The following ZNHIT6 variants were observed in gnomAD, a reference collection of about 807,000 sequenced individuals.
ZNHIT6 encodes the protein box C/D snoRNA protein 1.
ZNHIT6 carries 45 observed loss-of-function variants against 57.2 expected under a neutral mutation model. That is an observed-to-expected ratio of 0.79 (90% confidence interval 0.62 to 1.01). The LOEUF (loss-of-function observed/expected upper bound fraction) is 1.01, where lower values mean the gene tolerates loss of function less well. ZNHIT6 is among the 50% of genes least tolerant of loss of function. The pLI, the probability that ZNHIT6 is intolerant of heterozygous loss-of-function variation, is 0.00. For missense variants in ZNHIT6, 528 were observed against 567.3 expected, an observed-to-expected ratio of 0.93 and a Z score of 0.70; for synonymous variants, 188 against 190.0, an observed-to-expected ratio of 0.99 and a Z score of 0.09.
chr1:85,701,052 C>T (rs1310109150), intron 5 of ZNHIT6, among the ~76,000 whole-genome samples: 1 of 152,196 alleles, frequency 6.6e-6, no homozygotes, highest in African/African-American at 2.4e-5. Flanking sequence ...AGGGATCCAC[C>T]TGCTTCAGCA....
At chr1:85,686,668 T>C (rs61168883) in intron 5 of ZNHIT6, among the ~76,000 whole-genome samples, 5,902 of 152,236 alleles carry the variant, frequency 0.039, 408 homozygotes, top group African/African-American at 0.14. Flanking sequence ...AACACGGACT[T>C]CTTTTTAGGG....
At chr1:85,696,182 T>G (rs990561960) in intron 5 of ZNHIT6, among the ~76,000 whole-genome samples, 80 of 152,188 alleles carry the variant, frequency 5.3e-4, no homozygotes, top group Admixed American at 1.4e-3. Flanking sequence ...TGCATTTTTT[T>G]TTTTTTTTTA....
intron 8 of ZNHIT6, among the ~76,000 whole-genome samples, chr1:85,663,730 G>A (rs1661286149): frequency 6.6e-6 from 1 of 152,094 alleles, no homozygotes; most frequent in African/African-American, 2.4e-5. Context: ...TTGTAAGGCA[G>A]GTCTGGTGGT....
Position 85,654,035 on chromosome 1 carries a change from C to G in ZNHIT6, c.*23G>C. On this transcript the variant is annotated 3_prime_UTR_variant, in exon 10 of 10. Transcript: ENST00000370574. ...TGCTGCAGTTGTCTGGAAGTTTTCA[C>G]TTTCTTCTTCCAGAAAAAATGCTCA... 1 of 1,609,318 alleles carries G rather than the reference C, an allele frequency of 6.2e-7. No individual in the cohort carries two copies. Among genetic ancestry groups the G allele is most frequent in the Non-Finnish European group, 8.5e-7 (1 of 1,177,136 alleles).
chr1:85,694,199 A>T (rs902982000), intron 5 of ZNHIT6, among the ~76,000 whole-genome samples: 2 of 152,236 alleles, frequency 1.3e-5, no homozygotes, highest in African/African-American at 4.8e-5. Context: ...TACATACTTA[A>T]GATTTGTGCA....
At chr1:85,675,909 TC>T (rs1223895608) in intron 8 of ZNHIT6, among the ~76,000 whole-genome samples, 1 of 152,170 alleles carries the variant, frequency 6.6e-6, no homozygotes, top group African/African-American at 2.4e-5. Context: ...CTTCTGCAGC[TC>T]CCTCACCTCT....
intron 9 of ZNHIT6, among the ~76,000 whole-genome samples, chr1:85,655,080 G>A (rs1405501101): frequency 1.3e-5 from 2 of 152,146 alleles, no homozygotes; most frequent in Non-Finnish European, 2.9e-5. Context: ...CTAAGAGTAA[G>A]GCACTGAAAT....
chr1:85,657,711 TTAAC>T, intron 9 of ZNHIT6, 132 bp downstream of exon 9: 1 of 779,508 alleles, frequency 1.3e-6, no homozygotes, highest in East Asian at 2.9e-5. Flanking sequence ...GTTCTTCACA[TTAAC>T]TAGCTATACA....
Position 85,708,329 on chromosome 1 carries a change from T to C in ZNHIT6, c.-45A>G, listed in dbSNP as rs775213547. 1.3e-6 allele frequency: 2 copies of C among 1,547,726 alleles called. No homozygotes were observed. The highest frequency in any genetic ancestry group is 1.7e-4 in the Middle Eastern group (1 of 5,796). ...TCTGCTGCCACTCTATCCTTCAATG[T>C]GGCTGCTGCACACCAATAGGAGGAA... On this transcript the variant is annotated 5_prime_UTR_variant, in exon 1 of 10. Transcript: ENST00000370574.
In ZNHIT6 at chr1:85,708,330, G is replaced by C. The variant is rs370553455; in HGVS notation, c.-46C>G. On this transcript the variant is annotated 5_prime_UTR_variant, in exon 1 of 10. Coordinates refer to ENST00000370574, the MANE Select transcript of ZNHIT6 (RefSeq NM_017953.4). Reference sequence around the variant, plus strand: ...CTGCTGCCACTCTATCCTTCAATGTGGCTGCTGCACACCAATAGGAGGAAT... The same window carrying C: ...CTGCTGCCACTCTATCCTTCAATGTCGCTGCTGCACACCAATAGGAGGAAT... The C allele has an allele frequency of 9.6e-4, 1,492 of 1,546,810 alleles. 8 individuals carry two copies. The highest frequency in any genetic ancestry group is 6.6e-4 in the Non-Finnish European group (752 of 1,147,170).
At position 85,678,727 on chromosome 1, in the gene ZNHIT6, T is replaced by C. The variant is rs1398404152; in HGVS notation, c.1143A>G (p.Glu381=). The change falls in exon 7 of 10, where the codon GAA becomes GAG. Residue 381 remains glutamate, a synonymous_variant. Transcript: ENST00000370574. ...NEILKPYIDP[E]KSDPVIRQRL... is the part of the protein sequence containing the mutation. Reference sequence around the variant, plus strand: ...TTTGACGAATTACAGGATCAGACTTTTCAGGATCAATGTAAGGTTTTAGGA... The same window carrying C: ...TTTGACGAATTACAGGATCAGACTTCTCAGGATCAATGTAAGGTTTTAGGA... 6.3e-7 allele frequency: 1 copy of C among 1,592,778 alleles called. No homozygotes were observed. The highest frequency in any genetic ancestry group is 1.1e-5 in the South Asian group (1 of 87,140).
intron 5 of ZNHIT6, among the ~76,000 whole-genome samples, chr1:85,687,768 T>G (rs1054277906): frequency 6.6e-6 from 1 of 152,216 alleles, no homozygotes; most frequent in African/African-American, 2.4e-5. Flanking sequence ...CTCCATGAGG[T>G]AAGCTAAAGC....
intron 8 of ZNHIT6, among the ~76,000 whole-genome samples, chr1:85,676,237 G>A (rs768811680): frequency 2.0e-5 from 3 of 151,312 alleles, no homozygotes; most frequent in Non-Finnish European, 2.9e-5. Context: ...TCAAGAGACT[G>A]AGGCAGAAGA....
chr1:85,649,659 A>G lies in ZNHIT6; in HGVS notation c.*4399T>C, dbSNP rs1046934234. The stretch of plus-strand genomic sequence containing the variant: ...CTTTTTAGTCAAGTACAGATCCCCA[A>G]AGGTTTATTTAAAGCCAATTTTTAT... On this transcript the variant is annotated 3_prime_UTR_variant, in exon 10 of 10. Transcript: ENST00000370574. 3.3e-5 allele frequency: 5 copies of G among 152,194 alleles called. No homozygotes were observed. Among genetic ancestry groups the G allele is most frequent in the Admixed American group, 3.3e-4 (5 of 15,278 alleles). The allele number at this position is 152,194 out of a possible 1,614,324, so 9.4% of individuals were successfully genotyped here. A position where few individuals can be genotyped will look rare whatever the true frequency, so the allele number is the denominator to read the frequency against.
chr1:85,677,915 C>T (rs934066580), intron 7 of ZNHIT6, among the ~76,000 whole-genome samples: 2 of 152,182 alleles, frequency 1.3e-5, no homozygotes, highest in Non-Finnish European at 2.9e-5. Flanking sequence ...ACTCTAATAA[C>T]AATCTCCGTT....
At chr1:85,676,478 A>G (rs543951989) in intron 8 of ZNHIT6, among the ~76,000 whole-genome samples, 1 of 152,290 alleles carries the variant, frequency 6.6e-6, no homozygotes, top group East Asian at 1.9e-4. Flanking sequence ...CTTTCAGCCT[A>G]TCTCGGCTTT....
rs529422384 is a variant in ZNHIT6 at position 85,697,060 on chromosome 1, C to T, written c.1019+5097G>A. On this transcript the variant is annotated intron_variant, in intron 5 of 9. Transcript: ENST00000370574. ...TATTTTTTTTTTTTTTTAGTAGAGA[C>T]GGGGTTTCACTATGTTAGCCAGGAT... is the stretch of plus-strand genomic sequence containing the variant. Among the ~76,000 whole-genome samples, 56 of 150,514 alleles carry T rather than the reference C, an allele frequency of 3.7e-4. No homozygotes were observed. In the East Asian group the frequency reaches 0.011, roughly 29 times the overall value.
chr1:85,660,516 C>T (rs1661195718), intron 8 of ZNHIT6, among the ~76,000 whole-genome samples: 1 of 152,018 alleles, frequency 6.6e-6, no homozygotes, highest in African/African-American at 2.4e-5. Context: ...CTTCAAAGGC[C>T]ACATGAGAAT....
chr1:85,679,572 T>TTAA (rs1220911360), intron 6 of ZNHIT6, among the ~76,000 whole-genome samples: 1 of 150,818 alleles, frequency 6.6e-6, no homozygotes, highest in East Asian at 1.9e-4. Flanking sequence ...TGTTTTTTTT[T>TTAA]TTTTTTTTTA....
Sources: allele counts gnomAD v4.1 joint callset (sites outside exome capture counted in the v4.1 genomes callset), GRCh38; gene constraint gnomAD v4.1.1; transcripts MANE v1.5; gene names NCBI Gene and HGNC (gene_info 2026-07-23, HGNC 2026-07-21).